Variants in LOC122394732 observed in about 807,000 individuals in gnomAD.
chr9:87,956,483 C>T, the LOC122394732 span: 4 of 398,452 alleles, frequency 1.0e-5, no homozygotes, highest in Non-Finnish European at 1.8e-5. Flanking sequence ...CTATTTTCCT[C>T]AAAAGCCATT....
At chr9:87,956,486 A>C in the LOC122394732 span, 3 of 398,602 alleles carry the variant, frequency 7.5e-6, no homozygotes, top group Non-Finnish European at 1.3e-5. Flanking sequence ...TTTTCCTCAA[A>C]AGCCATTGTG....
chr9:87,956,780 A>C, the LOC122394732 span: 2 of 263,546 alleles, frequency 7.6e-6, no homozygotes, highest in Admixed American at 5.4e-5. Context: ...TATGCAGTGC[A>C]CGTGTTATTT....
chr9:87,956,408 A>G, the LOC122394732 span: 2 of 398,532 alleles, frequency 5.0e-6, no homozygotes, highest in Non-Finnish European at 8.8e-6. Context: ...CATCCAGATC[A>G]GGGAGATTGA....
chr9:87,956,716 A>C, the LOC122394732 span: 1 of 362,084 alleles, frequency 2.8e-6, no homozygotes, highest in Non-Finnish European at 4.9e-6. Context: ...AGAGAGAATA[A>C]TGCGCTGATT....
the LOC122394732 span, chr9:87,956,404 G>T: frequency 1.3e-5 from 5 of 398,542 alleles, no homozygotes; most frequent in Non-Finnish European, 1.8e-5. Flanking sequence ...TAGACATCCA[G>T]ATCAGGGAGA....
At chr9:87,956,878 C>T in the LOC122394732 span, 2 of 158,574 alleles carry the variant, frequency 1.3e-5, no homozygotes, top group African/African-American at 2.4e-5. Context: ...ATTATATTTG[C>T]CTTAATCCTG....
At chr9:87,956,609 G>C in the LOC122394732 span, 1 of 397,624 alleles carries the variant, frequency 2.5e-6, no homozygotes. Context: ...AGCAGTAGAA[G>C]TGGCTACTGG....
chr9:87,956,509 G>C, the LOC122394732 span: 4 of 398,464 alleles, frequency 1.0e-5, no homozygotes, highest in South Asian at 5.1e-4. Context: ...GACTGATGCT[G>C]TGCCACCATA....
the LOC122394732 span, chr9:87,956,636 A>G: frequency 2.5e-6 from 1 of 397,034 alleles, no homozygotes; most frequent in Non-Finnish European, 4.4e-6. Context: ...CCAAAAAAGA[A>G]AAAAAAGGAC....
chr9:87,956,398 C>T, the LOC122394732 span: 15 of 398,496 alleles, frequency 3.8e-5, no homozygotes, highest in African/African-American at 8.2e-5. Context: ...AGGCTTTAGA[C>T]ATCCAGATCA....
the LOC122394732 span, chr9:87,956,383 C>T: frequency 5.0e-6 from 2 of 398,474 alleles, no homozygotes; most frequent in African/African-American, 2.1e-5. Context: ...TCCAAAGCAT[C>T]CAGAAGGCTT....
the LOC122394732 span, chr9:87,956,550 A>G: frequency 2.5e-6 from 1 of 398,556 alleles, no homozygotes; most frequent in Non-Finnish European, 4.4e-6. Flanking sequence ...CATCCAATAC[A>G]GACAGAACAC....
the LOC122394732 span, chr9:87,956,420 A>G: frequency 1.8e-5 from 7 of 398,684 alleles, no homozygotes; most frequent in East Asian, 2.5e-4. Flanking sequence ...GGAGATTGAT[A>G]GAGAAAAAGC....
chr9:87,956,510 T>G, the LOC122394732 span: 1 of 398,616 alleles, frequency 2.5e-6, no homozygotes, highest in Admixed American at 4.4e-5. Context: ...ACTGATGCTG[T>G]GCCACCATAG....
the LOC122394732 span, chr9:87,956,341 C>T: frequency 6.5e-5 from 26 of 398,596 alleles, no homozygotes; most frequent in South Asian, 2.5e-3. Context: ...TCGTGAACAA[C>T]CTTGGAGAGG....
At chr9:87,956,712 A>T in the LOC122394732 span, 2 of 371,102 alleles carry the variant, frequency 5.4e-6, no homozygotes, top group Non-Finnish European at 9.5e-6. Context: ...CAAAAGAGAG[A>T]ATAATGCGCT....
the LOC122394732 span, chr9:87,956,638 A>G: frequency 2.5e-6 from 1 of 396,836 alleles, no homozygotes; most frequent in Non-Finnish European, 4.4e-6. Context: ...AAAAAAGAAA[A>G]AAAAGGACTA....
chr9:87,956,742 T>G, the LOC122394732 span: 402 of 326,678 alleles, frequency 1.2e-3, 1 homozygote, highest in Non-Finnish European at 1.8e-3. Flanking sequence ...CCCAGCTGAT[T>G]CTATTTCTTT....
At chr9:87,956,560 C>CA in the LOC122394732 span, 1 of 398,286 alleles carries the variant, frequency 2.5e-6, no homozygotes, top group Non-Finnish European at 4.4e-6. Context: ...AGACAGAACA[C>CA]ACCTGGGTCT....
Sources: allele counts gnomAD v4.1 joint callset, GRCh38; gene constraint gnomAD v4.1.1; transcripts MANE v1.5.